Variants in UGT2B11 observed in about 807,000 individuals in gnomAD.
The protein encoded by UGT2B11 is UDP glucuronosyltransferase family 2 member B11.
A neutral mutation model predicts 51.7 loss-of-function variants in UGT2B11; 49 were observed. The observed-to-expected ratio is 0.95, with a 90% CI of 0.75 to 1.20. UGT2B11 has a LOEUF of 1.20. UGT2B11 is among the 50% of genes most tolerant of loss of function. UGT2B11 has a pLI of 0.00. For missense variants in UGT2B11, 810 were observed against 622.1 expected (o/e 1.30, Z -3.21); for synonymous variants, 273 against 209.0 (o/e 1.31, Z -2.64).
the UGT2B11 span, among the ~76,000 whole-genome samples, chr4:69,222,172 G>C: frequency 6.6e-6 from 1 of 152,252 alleles, no homozygotes; most frequent in Non-Finnish European, 1.5e-5. Flanking sequence ...AGGTTGCCAG[G>C]TTTAATAATA....
chr4:69,209,122 G>C (rs1306754073), intron 2 of UGT2B11, among the ~76,000 whole-genome samples: 1 of 151,638 alleles, frequency 6.6e-6, no homozygotes, highest in Admixed American at 6.6e-5. Flanking sequence ...TGACATTCCT[G>C]AGTCTAGTAT....
At chr4:69,207,756 A>C (rs1721912426) in intron 3 of UGT2B11, among the ~76,000 whole-genome samples, 1 of 151,654 alleles carries the variant, frequency 6.6e-6, no homozygotes, top group Admixed American at 6.6e-5. Context: ...GAAATAGTAC[A>C]TTCCTTAATT....
At chr4:69,222,324 C>T in the UGT2B11 span, among the ~76,000 whole-genome samples, 5 of 152,252 alleles carry the variant, frequency 3.3e-5, no homozygotes, top group Non-Finnish European at 7.3e-5. Context: ...TTCTTAGGGC[C>T]TTCCTTAGCC....
At chr4:69,210,207 C>T (rs1476338167) in intron 2 of UGT2B11, among the ~76,000 whole-genome samples, 7 of 151,556 alleles carry the variant, frequency 4.6e-5, no homozygotes, top group Non-Finnish European at 7.4e-5. Flanking sequence ...ATTGTATGCA[C>T]ATACATTTTA....
In UGT2B11 at chr4:69,214,595, A is replaced by G. The variant is rs1722205866; in HGVS notation, c.128T>C (p.Leu43Pro). Residue 43 changes from leucine (L) to proline (P), a missense_variant, in exon 1 of 6, where the codon CTG becomes CCG. Leu to Pro is a moderately conservative substitution (Grantham distance 98, BLOSUM62 -3). Transcript: ENST00000446444. Reference protein sequence around the residue: ...YSHWMNMKTILKELVQRGHEV... With the variant: ...YSHWMNMKTIPKELVQRGHEV... Reference sequence around the variant, plus strand: ...ATGACCTCTCTGAACAAGCTCTTTCAGGATTGTCTTCATATTCATCCAATG... The same window carrying G: ...ATGACCTCTCTGAACAAGCTCTTTCGGGATTGTCTTCATATTCATCCAATG... 6.2e-7 allele frequency: 1 copy of G among 1,613,330 alleles called. No homozygotes were observed. The highest frequency in any genetic ancestry group is 8.5e-7 in the Non-Finnish European group (1 of 1,179,470).
upstream of UGT2B11, among the ~76,000 whole-genome samples, chr4:69,218,758 G>T (rs1007001262): frequency 6.6e-6 from 1 of 152,090 alleles, no homozygotes; most frequent in Non-Finnish European, 1.5e-5. Flanking sequence ...GGCATCCTCT[G>T]AAGGGAAAGA....
intron 5 of UGT2B11, among the ~76,000 whole-genome samples, chr4:69,203,079 G>A (rs947164531): frequency 4.0e-5 from 6 of 151,492 alleles, no homozygotes; most frequent in African/African-American, 1.5e-4. Context: ...AAAGTAAAAA[G>A]TTAGTGCACC....
chr4:69,220,264 C>CT, the UGT2B11 span, among the ~76,000 whole-genome samples: 2 of 100 alleles, frequency 0.02, no homozygotes, highest in African/African-American at 0.038. Flanking sequence ...GGCAGTTCAA[C>CT]CCTTTAGTTT....
Position 69,212,624 on chromosome 4 carries a change from G to A in UGT2B11, c.819C>T (p.Asn273=), listed in dbSNP as rs375976357. The change falls in exon 2 of 6, where the codon AAC becomes AAT. Residue 273 remains asparagine, a synonymous_variant. Transcript: ENST00000446444. ...AGTGGAATCCTCCAACAAAATCAAC[G>A]TTTGGTAAGAATGGATGAGGAAATT... ...SFQFPHPFLP[N]VDFVGGFHCK... The A allele has an allele frequency of 3.2e-5, 51 of 1,609,752 alleles. No homozygotes were observed. The highest frequency in any genetic ancestry group is 1.7e-4 in the Middle Eastern group (1 of 6,050).
rs753483230 is a variant in UGT2B11, at chr4:69,214,140, G to A, written c.583C>T (p.Pro195Ser). Reference protein sequence around the residue: ...GGLIFPPSYIPIVMSKLSDQM... With the variant: ...GGLIFPPSYISIVMSKLSDQM... ...TCACTTAATTTTGACATAACAATAG[G>A]TATGTAGGAAGGAGGGAAAATCAGT... Residue 195 changes from proline to serine, a missense_variant, in exon 1 of 6, where the codon CCT (proline) becomes TCT (serine). Physicochemically the swap from Pro to Ser is moderately conservative, Grantham distance 74. Coordinates refer to ENST00000446444, the MANE Select transcript of UGT2B11 (RefSeq NM_001073.3). 5 of 1,612,450 alleles carry A rather than the reference G, an allele frequency of 3.1e-6. No homozygotes were observed. The highest frequency in any genetic ancestry group is 1.6e-4 in the Middle Eastern group (1 of 6,066).
rs768145532 is a variant in UGT2B11 at position 69,205,571 on chromosome 4, T to C, written c.1003-4A>G. 11 of 1,609,142 alleles carry C rather than the reference T, an allele frequency of 6.8e-6. No homozygotes were observed. Among genetic ancestry groups the C allele is most frequent in the Non-Finnish European group, 8.5e-6 (10 of 1,177,380 alleles). Reference sequence around the variant, plus strand: ...TCCCGTCAAATCTCCACAGAACCTGTTACAGTAAAGAGAATATCTTATTCC... The same window carrying C: ...TCCCGTCAAATCTCCACAGAACCTGCTACAGTAAAGAGAATATCTTATTCC... On this transcript the variant is annotated splice_region_variant and splice_polypyrimidine_tract_variant and intron_variant, in intron 3 of 5. Coordinates refer to ENST00000446444, the MANE Select transcript of UGT2B11 (RefSeq NM_001073.3).
the UGT2B11 span, among the ~76,000 whole-genome samples, chr4:69,221,006 C>T: frequency 6.6e-6 from 1 of 152,258 alleles, no homozygotes; most frequent in East Asian, 1.9e-4. Flanking sequence ...CAGTCCCAAG[C>T]CTGCCTAGTA....
chr4:69,200,323 T>C lies in UGT2B11; in HGVS notation c.*117A>G. On this transcript the variant is annotated 3_prime_UTR_variant, in exon 6 of 6. Coordinates refer to ENST00000446444, the MANE Select transcript of UGT2B11 (RefSeq NM_001073.3). ...AGGTAGATTTGAAAATTTTTTTTTT[T>C]TTTTTTTTTTTGTCACAGGAAGAAA... 1 of 1,160,204 alleles carries C rather than the reference T, an allele frequency of 8.6e-7. No homozygotes were observed. The highest frequency in any genetic ancestry group is 3.4e-5 in the South Asian group (1 of 29,184). The allele number at this position is 1,160,204 out of a possible 1,614,324, so 71.9% of individuals were successfully genotyped here. A position where few individuals can be genotyped will look rare whatever the true frequency, so the allele number is the denominator to read the frequency against.
At chr4:69,209,782 A>G (rs1179197460) in intron 2 of UGT2B11, among the ~76,000 whole-genome samples, 1 of 151,560 alleles carries the variant, frequency 6.6e-6, no homozygotes. Flanking sequence ...CTGGCTTGAT[A>G]TCAGAGCCTT....
chr4:69,200,406 T>C lies in UGT2B11; in HGVS notation c.*34A>G, dbSNP rs1721605820. The C allele has an allele frequency of 6.3e-7, 1 of 1,582,526 alleles. No individual in the cohort carries two copies. Among genetic ancestry groups the C allele is most frequent in the Admixed American group, 1.7e-5 (1 of 58,016 alleles). On this transcript the variant is annotated 3_prime_UTR_variant, in exon 6 of 6. Transcript: ENST00000446444. The stretch of plus-strand genomic sequence containing the variant: ...TGGAATAAACTGAAGTTGTCCTATC[T>C]ATCTGGTTTTCCAGCTTCAAATGTC...
At chr4:69,223,036 C>T in the UGT2B11 span, among the ~76,000 whole-genome samples, 10 of 152,192 alleles carry the variant, frequency 6.6e-5, no homozygotes, top group East Asian at 1.2e-3. Context: ...AGTACTGTCA[C>T]GAAGGGCAAA....
chr4:69,214,618 A>G lies in UGT2B11; in HGVS notation c.105T>C (p.His35=). 6.2e-7 allele frequency: 1 copy of G among 1,613,220 alleles called. No individual in the cohort carries two copies. The highest frequency in any genetic ancestry group is 1.1e-5 in the South Asian group (1 of 91,058). The change falls in exon 1 of 6, where the codon CAT becomes CAC. Residue 35 remains histidine (H), a synonymous_variant. Transcript: ENST00000446444. ...KVLVWAAEYS[H]WMNMKTILKE... is the part of the protein sequence containing the mutation. ...TCAGGATTGTCTTCATATTCATCCAATGGCTGTATTCTGCGGCCCACACCA... is the reference window on the plus strand; with the variant it reads ...TCAGGATTGTCTTCATATTCATCCAGTGGCTGTATTCTGCGGCCCACACCA...
rs1214693678 is a variant in UGT2B11 at position 69,200,561 on chromosome 4, G to A, written c.1469C>T (p.Ser490Phe). ...AHDLTWFQYH[S>F]LDVIGFLLAC... Reference sequence around the variant, plus strand: ...CAGCAGAAACCCAATCACATCCAAAGAGTGGTACTGGAACCAGGTGAGGTC... The same window carrying A: ...CAGCAGAAACCCAATCACATCCAAAAAGTGGTACTGGAACCAGGTGAGGTC... The change falls in exon 6 of 6, where the codon TCT becomes TTT. Residue 490 changes from serine to phenylalanine, a missense_variant. Ser to Phe is a radical substitution (Grantham distance 155). Coordinates refer to ENST00000446444, the MANE Select transcript of UGT2B11 (RefSeq NM_001073.3). The A allele has an allele frequency of 3.1e-6, 5 of 1,612,396 alleles. No individual in the cohort carries two copies. Among genetic ancestry groups the A allele is most frequent in the Non-Finnish European group, 4.2e-6 (5 of 1,179,014 alleles).
intron 5 of UGT2B11, 23 bp downstream of exon 5, chr4:69,204,407 G>C (rs369122538): frequency 7.2e-5 from 116 of 1,609,734 alleles, no homozygotes; most frequent in Non-Finnish European, 9.6e-5. Context: ...ATACCACCTA[G>C]TGAAAAACAT....
Sources: allele counts gnomAD v4.1 joint callset (sites outside exome capture counted in the v4.1 genomes callset), GRCh38; gene constraint gnomAD v4.1.1; transcripts MANE v1.5; gene names NCBI Gene and HGNC (gene_info 2026-07-23, HGNC 2026-07-21).